Variants in RPTOR observed in about 807,000 individuals in gnomAD.
The protein encoded by RPTOR is regulatory-associated protein of mTOR.
Under a neutral mutation model 169.9 loss-of-function variants are expected in RPTOR, and 21 were observed. The observed-to-expected ratio is 0.12, with a 90% CI of 0.09 to 0.18. The LOEUF (loss-of-function observed/expected upper bound fraction) is 0.18, where lower values mean the gene tolerates loss of function less well. Among genes scored for constraint, RPTOR ranks in the 10% least tolerant of loss-of-function variants. The probability of loss-of-function intolerance (pLI) is 1.00; values close to 1 mark genes in which losing one functional copy is unlikely to be tolerated. For missense variants in RPTOR, 1,133 were observed against 1,855.9 expected (o/e 0.61, Z 7.16); for synonymous variants, 732 against 753.2 (o/e 0.97, Z 0.46).
intron 24 of RPTOR, among the ~76,000 whole-genome samples, chr17:80,934,443 C>A (rs531242690): frequency 2.9e-4 from 44 of 152,334 alleles, no homozygotes; most frequent in African/African-American, 1.0e-3. Context: ...TTTGCAACCT[C>A]AATCTCCTGG....
chr17:80,590,922 CTG>C (rs1379652936), intron 1 of RPTOR, among the ~76,000 whole-genome samples: 2 of 151,918 alleles, frequency 1.3e-5, no homozygotes. Context: ...TGAGTTTTCT[CTG>C]TGGAATGATT....
rs2067368673 is a variant in RPTOR at position 80,820,547 on chromosome 17, C to T, written c.891-1654C>T. 6.6e-6 allele frequency among the ~76,000 whole-genome samples: 1 copy of T among 152,108 alleles called. No homozygotes were observed. Among genetic ancestry groups the T allele is most frequent in the Non-Finnish European group, 1.5e-5 (1 of 68,008 alleles). On this transcript the variant is annotated intron_variant, in intron 7 of 33. Transcript: ENST00000306801. This position sits in a 1 kb window ranked among gnomAD's most constrained non-coding sequence, Gnocchi z 4.1. Reference sequence around the variant, plus strand: ...AAATGTCTTCTCTTTGGGAGGTGTGCCCCACCCTCACATTCCTCCGTGGGG... The same window carrying T: ...AAATGTCTTCTCTTTGGGAGGTGTGTCCCACCCTCACATTCCTCCGTGGGG...
At chr17:80,862,196 A>G (rs2067924526) in intron 13 of RPTOR, among the ~76,000 whole-genome samples, 2 of 152,136 alleles carry the variant, frequency 1.3e-5, no homozygotes, top group Non-Finnish European at 2.9e-5. Context: ...AACTGCCTGC[A>G]GGCATCACAG....
rs34244731 is a variant in RPTOR, at chr17:80,554,768, C to CA, written c.162+8980dup. On this transcript the variant is annotated intron_variant, in intron 1 of 33. Coordinates refer to ENST00000306801, the MANE Select transcript of RPTOR (RefSeq NM_020761.3). ...CAAAACAAAACAAAACAAAACAAAA[C>CA]AAACAACAACAACAACAAAAAAAAT... 4.2e-3 allele frequency among the ~76,000 whole-genome samples: 472 copies of CA among 113,140 alleles called. 1 individual carries two copies. Among genetic ancestry groups the CA allele is most frequent in the South Asian group, 0.014 (53 of 3,800 alleles). The allele number at this position is 113,140 out of a possible 152,430, so 74.2% of individuals were successfully genotyped here. A position where few individuals can be genotyped will look rare whatever the true frequency, so the allele number is the denominator to read the frequency against.
chr17:80,908,725 G>A, intron 20 of RPTOR, 86 bp from the exon 21 acceptor site: 1 of 921,544 alleles, frequency 1.1e-6, no homozygotes, highest in South Asian at 1.4e-5. Context: ...CTGATACCAG[G>A]GTTAGGGTTT....
intron 28 of RPTOR, among the ~76,000 whole-genome samples, chr17:80,955,414 C>T (rs1254341255): frequency 6.6e-6 from 1 of 152,194 alleles, no homozygotes; most frequent in Non-Finnish European, 1.5e-5. Flanking sequence ...TCACACCATG[C>T]ACAAAACACA....
At chr17:80,653,105 G>A (rs1258030321) in intron 3 of RPTOR, among the ~76,000 whole-genome samples, 3 of 152,108 alleles carry the variant, frequency 2.0e-5, no homozygotes, top group Non-Finnish European at 4.4e-5. Flanking sequence ...TGAGTTCTAT[G>A]AGTTCAAAAT....
chr17:80,780,391 G>C (rs573189432), intron 6 of RPTOR, among the ~76,000 whole-genome samples: 31 of 152,156 alleles, frequency 2.0e-4, no homozygotes, highest in African/African-American at 6.5e-4. Flanking sequence ...TTACATATTG[G>C]GTGCAGAAAC....
intron 6 of RPTOR, among the ~76,000 whole-genome samples, chr17:80,755,195 C>T (rs866968169): frequency 3.9e-5 from 6 of 152,292 alleles, no homozygotes; most frequent in South Asian, 4.1e-4. Context: ...GTGACTGCAG[C>T]GCAGCCCTCA....
intron 1 of RPTOR, among the ~76,000 whole-genome samples, chr17:80,589,714 G>A (rs1296306653): frequency 1.3e-5 from 2 of 151,970 alleles, no homozygotes; most frequent in African/African-American, 4.8e-5. Context: ...GTTTGTTCTG[G>A]TGCATAGGAA....
rs995749722 is a variant in RPTOR, at chr17:80,861,778, C to G, written c.1509+3878C>G. 2.6e-5 allele frequency among the ~76,000 whole-genome samples: 4 copies of G among 152,230 alleles called. No homozygotes were observed. The highest frequency in any genetic ancestry group is 7.2e-5 in the African/African-American group (3 of 41,452). On this transcript the variant is annotated intron_variant, in intron 13 of 33. Transcript: ENST00000306801. This position sits in a 1 kb window ranked among gnomAD's most constrained non-coding sequence, Gnocchi z 4.5. Reference sequence around the variant, plus strand: ...ACGTGTCTAAGCCAACTTTGATTCTCAGACTTCGTGTTTTTAGTACCTTTT... The same window carrying G: ...ACGTGTCTAAGCCAACTTTGATTCTGAGACTTCGTGTTTTTAGTACCTTTT...
chr17:80,707,642 T>C lies in RPTOR; in HGVS notation c.349-199T>C, dbSNP rs528875098. On this transcript the variant is annotated intron_variant, in intron 3 of 33. Transcript: ENST00000306801. This position sits in a 1 kb window ranked among gnomAD's most constrained non-coding sequence, Gnocchi z 5.0. ...CCCGGGCTCAACCAGTTCTCCCACCTTGGCCTCCTAAGCTGCTGGGATTTT... is the reference window on the plus strand; with the variant it reads ...CCCGGGCTCAACCAGTTCTCCCACCCTGGCCTCCTAAGCTGCTGGGATTTT... Among the ~76,000 whole-genome samples, 77 of 152,232 alleles carry C rather than the reference T, an allele frequency of 5.1e-4. No individual in the cohort carries two copies. Among genetic ancestry groups the C allele is most frequent in the African/African-American group, 1.6e-3 (68 of 41,520 alleles).
At chr17:80,710,898 G>T (rs2066184609) in intron 4 of RPTOR, among the ~76,000 whole-genome samples, 1 of 152,158 alleles carries the variant, frequency 6.6e-6, no homozygotes, top group African/African-American at 2.4e-5. Flanking sequence ...TTCCTTCTTT[G>T]TATATATACT....
Position 80,925,490 on chromosome 17 carries a change from G to T in RPTOR, c.2919+10G>T, listed in dbSNP as rs1393124782. 2 of 1,606,496 alleles carry T rather than the reference G, an allele frequency of 1.2e-6. No homozygotes were observed. The highest frequency in any genetic ancestry group is 2.7e-5 in the African/African-American group (2 of 74,928). On this transcript the variant is annotated intron_variant, in intron 24 of 33. Coordinates refer to ENST00000306801, the MANE Select transcript of RPTOR (RefSeq NM_020761.3). ...CCAGCCCGTCATGAAGGTGCGCCCG[G>T]GGTGTGGGGTTCAGAGTAGAGTCCT...
At chr17:80,621,296 G>T (rs1456598075) in intron 1 of RPTOR, among the ~76,000 whole-genome samples, 1 of 152,194 alleles carries the variant, frequency 6.6e-6, no homozygotes, top group Non-Finnish European at 1.5e-5. Flanking sequence ...GATCTTCAGA[G>T]ATACTTTTAT....
intron 1 of RPTOR, among the ~76,000 whole-genome samples, chr17:80,603,731 A>C (rs1338402530): frequency 6.6e-6 from 1 of 152,212 alleles, no homozygotes; most frequent in East Asian, 1.9e-4. Flanking sequence ...AGGAGGGGCT[A>C]ATTTCCCCCA....
chr17:80,929,144 C>T (rs4969229), intron 24 of RPTOR, among the ~76,000 whole-genome samples: 6,045 of 152,282 alleles, frequency 0.04, 220 homozygotes, highest in Admixed American at 0.11. Flanking sequence ...AATGATGGAT[C>T]CATGGGTTAG....
chr17:80,634,412 G>A (rs2065475564), intron 2 of RPTOR, among the ~76,000 whole-genome samples: 1 of 144,630 alleles, frequency 6.9e-6, no homozygotes. Flanking sequence ...CCGTGTGTGT[G>A]TGCATACCGT....
At chr17:80,905,482 G>T (rs2068529415) in intron 20 of RPTOR, among the ~76,000 whole-genome samples, 2 of 151,300 alleles carry the variant, frequency 1.3e-5, no homozygotes, top group African/African-American at 4.9e-5. Context: ...TGTAGTCCCA[G>T]CTCCTCAGGA....
Sources: gnomAD v4.1 joint callset for allele counts (sites outside exome capture counted in the v4.1 genomes callset) on GRCh38, gnomAD v4.1.1 for gene constraint, Gnocchi (gnomAD v3.1) non-coding constraint, MANE v1.5 for transcripts, NCBI Gene and HGNC (gene_info 2026-07-23, HGNC 2026-07-21) for gene names.